The following ARHGAP21 variants were observed in gnomAD, a reference collection of about 807,000 sequenced individuals.
ARHGAP21 encodes rho GTPase-activating protein 21.
ARHGAP21 carries 38 observed loss-of-function variants against 164.6 expected under a neutral mutation model. The ratio of observed to expected loss-of-function variants is 0.23; its 90% CI spans 0.18 to 0.30. The LOEUF is 0.30. ARHGAP21 is among the 10% of genes least tolerant of loss of function. The pLI, the probability that ARHGAP21 is intolerant of heterozygous loss-of-function variation, is 1.00. For missense variants in ARHGAP21, 1,822 were observed against 2,370.7 expected (o/e 0.77, Z 4.81); for synonymous variants, 766 against 857.9 (o/e 0.89, Z 1.87).
chr10:24,664,119 G>C (rs1839957327), intron 4 of ARHGAP21, among the ~76,000 whole-genome samples: 1 of 152,206 alleles, frequency 6.6e-6, no homozygotes, highest in African/African-American at 2.4e-5. Flanking sequence ...ATCGCTCTTT[G>C]TTTTCCAAGG....
chr10:24,712,352 G>A (rs573559389), intron 2 of ARHGAP21, among the ~76,000 whole-genome samples: 2 of 152,290 alleles, frequency 1.3e-5, no homozygotes, highest in East Asian at 1.9e-4. Context: ...CCACAAAATA[G>A]ATATGATCTA....
At chr10:24,593,876 CTTT>C (rs1038897661) in intron 21 of ARHGAP21, among the ~76,000 whole-genome samples, 4 of 147,412 alleles carry the variant, frequency 2.7e-5, no homozygotes, top group African/African-American at 7.4e-5. Context: ...TCCTTTCTCT[CTTT>C]TTTTTTTTCT....
At chr10:24,599,411 G>C (rs757249143) in intron 14 of ARHGAP21, among the ~76,000 whole-genome samples, 1 of 152,200 alleles carries the variant, frequency 6.6e-6, no homozygotes, top group African/African-American at 2.4e-5. Context: ...CACTGATAAA[G>C]ATCTGGTGTT....
intron 6 of ARHGAP21, among the ~76,000 whole-genome samples, chr10:24,630,408 G>A (rs989393559): frequency 5.9e-5 from 9 of 152,078 alleles, no homozygotes; most frequent in African/African-American, 1.9e-4. Flanking sequence ...TTTTATTCAA[G>A]TCACAAAACA....
intron 9 of ARHGAP21, among the ~76,000 whole-genome samples, chr10:24,619,237 G>A (rs1834292806): frequency 6.6e-6 from 1 of 150,934 alleles, no homozygotes; most frequent in Admixed American, 6.6e-5. Context: ...AATTTGAAAT[G>A]GGTACTAGGT....
intron 11 of ARHGAP21, among the ~76,000 whole-genome samples, chr10:24,605,293 A>G (rs72784275): frequency 0.011 from 1,674 of 152,316 alleles, 4 homozygotes; most frequent in Non-Finnish European, 0.015. Context: ...GAACAATGGA[A>G]AATAGTGTGC....
intron 9 of ARHGAP21, among the ~76,000 whole-genome samples, chr10:24,608,227 T>C (rs2077113675): frequency 6.6e-6 from 1 of 152,190 alleles, no homozygotes; most frequent in African/African-American, 2.4e-5. Flanking sequence ...AATAATCATG[T>C]AACACCCTGA....
intron 21 of ARHGAP21, 75 bp downstream of exon 21, chr10:24,594,875 G>T: frequency 1.7e-6 from 2 of 1,196,008 alleles, no homozygotes; most frequent in South Asian, 1.5e-5. Context: ...TTGACTATTT[G>T]GCATGAAGTA....
chr10:24,585,465 C>T lies in ARHGAP21; in HGVS notation c.4824G>A (p.Val1608=), dbSNP rs779820992. Residue 1608 remains valine, a synonymous_variant, in exon 26 of 26, where the codon GTG becomes GTA. Transcript: ENST00000396432. ...CCCCCTTGCTCTCTGCCACGGATTG[C>T]ACCTCAGGGCTCAGTCGACTGGAGT... ...SLDSSRLSPE[V]QSVAESKGDE... is the part of the protein sequence containing the mutation. 2 of 1,614,096 alleles carry T rather than the reference C, an allele frequency of 1.2e-6. No individual in the cohort carries two copies. The highest frequency in any genetic ancestry group is 1.7e-6 in the Non-Finnish European group (2 of 1,180,036).
At chr10:24,614,894 A>G (rs923163463) in intron 9 of ARHGAP21, among the ~76,000 whole-genome samples, 1 of 152,120 alleles carries the variant, frequency 6.6e-6, no homozygotes, top group Non-Finnish European at 1.5e-5. Context: ...TTTCAGAATA[A>G]AAGTTAATGT....
intron 4 of ARHGAP21, among the ~76,000 whole-genome samples, chr10:24,642,342 C>T (rs11014190): frequency 0.17 from 25,486 of 151,344 alleles, 2,543 homozygotes; most frequent in Non-Finnish European, 0.23. Flanking sequence ...GGTGAAACCC[C>T]GTCTCTACTA....
At chr10:24,722,561 G>C (rs1332335567) in intron 1 of ARHGAP21, 1 of 153,174 alleles carries the variant, frequency 6.5e-6, no homozygotes, top group Non-Finnish European at 1.5e-5. Context: ...CCTGGGTAGA[G>C]CAGAGGGCTG....
intron 24 of ARHGAP21, chr10:24,590,550 A>G (rs763988204): frequency 1.5e-5 from 23 of 1,502,660 alleles, no homozygotes; most frequent in Non-Finnish European, 1.9e-5. Context: ...TAAAACAAGA[A>G]CTAGAGACAA....
intron 7 of ARHGAP21, among the ~76,000 whole-genome samples, chr10:24,628,640 C>T (rs1205779330): frequency 2.0e-5 from 3 of 151,796 alleles, no homozygotes; most frequent in South Asian, 4.1e-4. Context: ...TCAGCGGCCA[C>T]TGCCATTTCC....
intron 14 of ARHGAP21, among the ~76,000 whole-genome samples, chr10:24,599,714 G>T (rs1057297303): frequency 6.6e-6 from 1 of 152,122 alleles, no homozygotes; most frequent in African/African-American, 2.4e-5. Flanking sequence ...TGCTAGATTT[G>T]CTTGATAAAG....
intron 7 of ARHGAP21, chr10:24,628,967 TATATATATATATA>T (rs1565054469): frequency 6.0e-5 from 1 of 16,622 alleles, no homozygotes; most frequent in African/African-American, 3.3e-4. Flanking sequence ...TATATATATA[TATATATATATATA>T]TATTTTTTTT....
At chr10:24,636,293 G>A (rs534557161) in intron 4 of ARHGAP21, among the ~76,000 whole-genome samples, 2 of 152,302 alleles carry the variant, frequency 1.3e-5, no homozygotes, top group South Asian at 4.1e-4. Context: ...GAGGTACACG[G>A]TAGTTCTAAA....
At chr10:24,655,300 C>T (rs546731110) in intron 4 of ARHGAP21, among the ~76,000 whole-genome samples, 8 of 152,248 alleles carry the variant, frequency 5.3e-5, no homozygotes, top group African/African-American at 1.9e-4. Flanking sequence ...AGCTTCTGCA[C>T]ATCAAAAGAA....
At position 24,585,103 on chromosome 10, in the gene ARHGAP21, G is replaced by T; in HGVS notation, c.5186C>A (p.Ser1729Ter). The change falls in exon 26 of 26, where the codon TCG (serine) becomes TAG (stop). Residue 1729 changes from serine to a stop codon, truncating the protein, a stop_gained. Coordinates refer to ENST00000396432, the MANE Select transcript of ARHGAP21 (RefSeq NM_020824.4). LOFTEE classifies it low-confidence loss of function (END_TRUNC). ...CATAACATCAAACACTTTAGTTAAC[G>T]AAGGTGCTTCTTTCTCATTCTTGGC... is the stretch of plus-strand genomic sequence containing the variant. The part of the protein sequence containing the change: ...GDAKNEKEAP[S>*]LTKVFDVMKK... The T allele has an allele frequency of 6.2e-7, 1 of 1,613,518 alleles. No individual in the cohort carries two copies. Among genetic ancestry groups the T allele is most frequent in the Non-Finnish European group, 8.5e-7 (1 of 1,179,820 alleles).
Sources: allele counts gnomAD v4.1 joint callset (sites outside exome capture counted in the v4.1 genomes callset), GRCh38; gene constraint gnomAD v4.1.1; transcripts MANE v1.5; gene names NCBI Gene and HGNC (gene_info 2026-07-23, HGNC 2026-07-21).